Variants in ZBTB7C observed in about 807,000 individuals in gnomAD.
ZBTB7C encodes the protein zinc finger and BTB domain containing 7C.
Under a neutral mutation model 25.7 loss-of-function variants are expected in ZBTB7C, and 8 were observed. The ratio of observed to expected loss-of-function variants is 0.31; its 90% CI spans 0.18 to 0.56. The LOEUF is 0.56. Among genes scored for constraint, ZBTB7C ranks in the 20% least tolerant of loss-of-function variants. The pLI is 0.91. For missense variants in ZBTB7C, 824 were observed against 855.2 expected, an observed-to-expected ratio of 0.96 and a Z score of 0.46; for synonymous variants, 394 against 369.0, an observed-to-expected ratio of 1.07 and a Z score of -0.78.
rs543475695 is a variant in ZBTB7C at position 48,270,895 on chromosome 18, C to CA, written c.-79+67278dup. On this transcript the variant is annotated intron_variant, in intron 2 of 4. Transcript: ENST00000590800. ...GAACAAAAGGAAAAGTAATATGGGA[C>CA]AAAAAAAAATAGCAATAGGATTTAA... Among the ~76,000 whole-genome samples, 737 of 145,080 alleles carry CA rather than the reference C, an allele frequency of 5.1e-3. 3 individuals are homozygous for CA. The highest frequency in any genetic ancestry group is 8.0e-3 in the Non-Finnish European group (529 of 65,920).
intron 3 of ZBTB7C, among the ~76,000 whole-genome samples, chr18:48,105,424 T>A (rs1456845874): frequency 5.9e-5 from 9 of 152,208 alleles, no homozygotes; most frequent in Non-Finnish European, 1.5e-5. Context: ...GGTGCAATAA[T>A]CTTGGGGCAT....
In ZBTB7C at chr18:48,194,167, C is replaced by T. The variant is rs117970579; in HGVS notation, c.-78-8172G>A. On this transcript the variant is annotated intron_variant, in intron 2 of 4. Transcript: ENST00000590800. ...GTCCAAGGAACAAAGGCTTCATCTCCCTAGTCTGGCTGCCCAATCTGGGTC... is the reference window on the plus strand; with the variant it reads ...GTCCAAGGAACAAAGGCTTCATCTCTCTAGTCTGGCTGCCCAATCTGGGTC... Among the ~76,000 whole-genome samples the T allele has an allele frequency of 1.1e-3, 164 of 152,316 alleles. 2 individuals carry two copies. The East Asian group carries it at 0.03, about 27-fold the overall frequency.
chr18:48,353,715 G>A (rs2046914279), intron 1 of ZBTB7C, among the ~76,000 whole-genome samples: 1 of 152,208 alleles, frequency 6.6e-6, no homozygotes, highest in Admixed American at 6.5e-5. Flanking sequence ...GCCGGATGGG[G>A]CTGGCCTGGT....
At chr18:48,224,555 C>A (rs568637803) in intron 2 of ZBTB7C, among the ~76,000 whole-genome samples, 2 of 152,288 alleles carry the variant, frequency 1.3e-5, no homozygotes, top group South Asian at 4.1e-4. Context: ...GCATCCCTGT[C>A]CTTCATTAAC....
intron 2 of ZBTB7C, among the ~76,000 whole-genome samples, chr18:48,220,090 T>C (rs1468760585): frequency 2.0e-5 from 3 of 152,176 alleles, no homozygotes; most frequent in African/African-American, 7.2e-5. Context: ...AGGGGCCTGG[T>C]GAACTCAACA....
intron 2 of ZBTB7C, among the ~76,000 whole-genome samples, chr18:48,290,626 C>T (rs2045196849): frequency 6.6e-6 from 1 of 152,194 alleles, no homozygotes; most frequent in Non-Finnish European, 1.5e-5. Context: ...GGGCAGACAA[C>T]AGGATCTATT....
At chr18:48,156,546 C>T (rs1456659337) in intron 3 of ZBTB7C, among the ~76,000 whole-genome samples, 1 of 152,156 alleles carries the variant, frequency 6.6e-6, no homozygotes, top group Non-Finnish European at 1.5e-5. Flanking sequence ...GTGTCCTTGC[C>T]ATGTATAAAA....
intron 2 of ZBTB7C, among the ~76,000 whole-genome samples, chr18:48,265,505 T>C (rs2044286551): frequency 6.6e-6 from 1 of 152,156 alleles, no homozygotes. Flanking sequence ...AGAACAGGGA[T>C]TGTAACGGAA....
intron 3 of ZBTB7C, among the ~76,000 whole-genome samples, chr18:48,158,221 G>A (rs1228337893): frequency 6.6e-6 from 1 of 152,202 alleles, no homozygotes. Flanking sequence ...ATTTGTTTTG[G>A]TGGCTGCCAA....
intron 2 of ZBTB7C, among the ~76,000 whole-genome samples, chr18:48,257,843 A>C (rs2044063245): frequency 6.6e-6 from 1 of 152,150 alleles, no homozygotes. Flanking sequence ...TGATAAAATC[A>C]AACATCCATT....
Position 48,143,191 on chromosome 18 carries a change from G to C in ZBTB7C, c.-17+42743C>G, listed in dbSNP as rs138237590. On this transcript the variant is annotated intron_variant, in intron 3 of 4. Transcript: ENST00000590800. The stretch of plus-strand genomic sequence containing the variant: ...AGCTCCCATATACAGTGAGGAAGTG[G>C]GGTTGAGGGTGGGGAGGTGACTTGC... Among the ~76,000 whole-genome samples the C allele has an allele frequency of 3.5e-4, 53 of 152,242 alleles. No homozygotes were observed. In the East Asian group the frequency reaches 8.1e-3, roughly 23 times the overall value.
intron 2 of ZBTB7C, among the ~76,000 whole-genome samples, chr18:48,250,244 T>C (rs2043809318): frequency 6.6e-6 from 1 of 152,146 alleles, no homozygotes; most frequent in South Asian, 2.1e-4. Context: ...CCCAGAATAT[T>C]TTCTTTCCCA....
chr18:48,050,768 C>T (rs1289852744), intron 3 of ZBTB7C, among the ~76,000 whole-genome samples: 1 of 152,142 alleles, frequency 6.6e-6, no homozygotes, highest in Non-Finnish European at 1.5e-5. Context: ...CATCTAAGGT[C>T]TGAGTTTTTT....
chr18:48,191,788 C>G (rs1051248884), intron 2 of ZBTB7C, among the ~76,000 whole-genome samples: 12 of 152,274 alleles, frequency 7.9e-5, no homozygotes, highest in African/African-American at 2.6e-4. Context: ...GCTGCCCCTC[C>G]CAGGATCCTT....
intron 3 of ZBTB7C, among the ~76,000 whole-genome samples, chr18:48,136,199 G>A (rs961288610): frequency 1.3e-5 from 2 of 152,174 alleles, no homozygotes; most frequent in African/African-American, 4.8e-5. Context: ...AGTGGGTGAC[G>A]CCGGCCCGGG....
At chr18:48,127,413 C>T (rs906391188) in intron 3 of ZBTB7C, among the ~76,000 whole-genome samples, 4 of 152,218 alleles carry the variant, frequency 2.6e-5, no homozygotes, top group Non-Finnish European at 5.9e-5. Context: ...CAGAATCTTG[C>T]TTCATTTTTA....
intron 2 of ZBTB7C, among the ~76,000 whole-genome samples, chr18:48,285,269 G>C (rs2045009345): frequency 6.6e-6 from 1 of 152,138 alleles, no homozygotes; most frequent in African/African-American, 2.4e-5. Context: ...TTTGTCTTTT[G>C]TGCCTTTCAA....
chr18:48,029,446 C>A lies in ZBTB7C; in HGVS notation c.1674G>T (p.Leu558=). The A allele has an allele frequency of 4.4e-6, 7 of 1,596,024 alleles. No individual in the cohort carries two copies. The highest frequency in any genetic ancestry group is 6.0e-6 in the Non-Finnish European group (7 of 1,174,666). The change falls in exon 5 of 5, where the codon CTG becomes CTT. Residue 558 remains leucine, a synonymous_variant. Coordinates refer to ENST00000590800, the MANE Select transcript of ZBTB7C (RefSeq NM_001318841.2). Reference sequence around the variant, plus strand: ...CAGCCTCCAGCTGCGCGCGCCCGAACAGCTTCATCTGTGTCTCCTCGAACT... The same window carrying A: ...CAGCCTCCAGCTGCGCGCGCCCGAAAAGCTTCATCTGTGTCTCCTCGAACT... ...ERQFEETQMK[L]FGRAQLEAER...
chr18:48,185,193 T>C, intron 3 of ZBTB7C: 1 of 333,146 alleles, frequency 3.0e-6, no homozygotes. Context: ...CCCTGTTCCT[T>C]CCTTCCTGGA....
Sources: gnomAD v4.1 joint callset for allele counts (sites outside exome capture counted in the v4.1 genomes callset) on GRCh38, gnomAD v4.1.1 for gene constraint, MANE v1.5 for transcripts, NCBI Gene and HGNC (gene_info 2026-07-23, HGNC 2026-07-21) for gene names.